Variants in MGST1 observed in about 807,000 individuals in gnomAD.
MGST1 encodes glutathione S-transferase 12.
A neutral mutation model predicts 8.9 loss-of-function variants in MGST1; 5 were observed. The ratio of observed to expected loss-of-function variants is 0.56; its 90% CI spans 0.29 to 1.19. The LOEUF is 1.19. MGST1 is among the 50% of genes most tolerant of loss of function. The pLI is 0.08. For missense variants in MGST1, 182 were observed against 187.4 expected (o/e 0.97, Z 0.17); for synonymous variants, 54 against 67.8 (o/e 0.80, Z 1.00).
At chr12:16,479,094 T>C (rs1941345863) in intron 4 of MGST1, among the ~76,000 whole-genome samples, 1 of 152,078 alleles carries the variant, frequency 6.6e-6, no homozygotes, top group Non-Finnish European at 1.5e-5. Flanking sequence ...AGCATGTTTT[T>C]GAGGTTCATC....
rs933674425 is a variant in MGST1 at position 16,402,224 on chromosome 12, C to G, written n.778+18620C>G. 1.9e-5 allele frequency: 30 copies of G among 1,587,600 alleles called. 1 individual carries two copies. Among genetic ancestry groups the G allele is most frequent in the South Asian group, 1.1e-4 (10 of 90,510 alleles). On this transcript the variant is annotated intron_variant and non_coding_transcript_variant, in intron 1 of 1. Transcript: ENST00000359720. Reference sequence around the variant, plus strand: ...AGATGATTTTGTCATCACAAAAGACCATGGTAGTATCAGTTAGTTCATAAC... The same window carrying G: ...AGATGATTTTGTCATCACAAAAGACGATGGTAGTATCAGTTAGTTCATAAC...
intron 4 of MGST1, among the ~76,000 whole-genome samples, chr12:16,452,286 G>A (rs1446001324): frequency 6.6e-6 from 1 of 151,392 alleles, no homozygotes; most frequent in Non-Finnish European, 1.5e-5. Context: ...TGTCCTAAGA[G>A]AACCCTATGT....
At position 16,529,320 on chromosome 12, in the gene MGST1, T is replaced by C. The variant is rs76876275; in HGVS notation, n.483-60208T>C. Among the ~76,000 whole-genome samples the C allele has an allele frequency of 3.9e-4, 60 of 152,186 alleles. No homozygotes were observed. The East Asian group carries it at 0.011, about 28-fold the overall frequency. On this transcript the variant is annotated intron_variant and non_coding_transcript_variant, in intron 4 of 4. Coordinates refer to the MGST1 transcript ENST00000538857. Reference sequence around the variant, plus strand: ...CCTGGTATATTCATTATCCACCCAATGATAGTCTGCGAATTTAAGTGCCAA... The same window carrying C: ...CCTGGTATATTCATTATCCACCCAACGATAGTCTGCGAATTTAAGTGCCAA...
At chr12:16,444,083 C>G (rs972115580) in intron 4 of MGST1, among the ~76,000 whole-genome samples, 1 of 151,634 alleles carries the variant, frequency 6.6e-6, no homozygotes, top group East Asian at 2.0e-4. Context: ...TGATGTTGAG[C>G]TCATAGTCTC....
At chr12:16,387,593 C>T (rs2137048824) in intron 1 of MGST1, among the ~76,000 whole-genome samples, 1 of 150,568 alleles carries the variant, frequency 6.6e-6, no homozygotes, top group African/African-American at 2.4e-5. Context: ...GTGGGGCTAT[C>T]TCGGCTCACT....
At chr12:16,530,175 G>T (rs892710974) in intron 4 of MGST1, among the ~76,000 whole-genome samples, 1 of 152,064 alleles carries the variant, frequency 6.6e-6, no homozygotes, top group African/African-American at 2.4e-5. Flanking sequence ...TAATAAAAAT[G>T]ATGTTTTTAT....
At chr12:16,470,505 C>G (rs563619818) in intron 4 of MGST1, among the ~76,000 whole-genome samples, 13 of 152,266 alleles carry the variant, frequency 8.5e-5, no homozygotes, top group Non-Finnish European at 1.8e-4. Flanking sequence ...GCTACCCACA[C>G]AGAAATCACT....
chr12:16,373,324 G>A (rs972871248), intron 3 of MGST1, among the ~76,000 whole-genome samples: 2 of 151,616 alleles, frequency 1.3e-5, no homozygotes, highest in Non-Finnish European at 2.9e-5. Flanking sequence ...GGAAGGAATC[G>A]ATCTAGTGTT....
chr12:16,368,091 G>A (rs1280934688), downstream of MGST1, among the ~76,000 whole-genome samples: 1 of 152,114 alleles, frequency 6.6e-6, no homozygotes, highest in Non-Finnish European at 1.5e-5. Flanking sequence ...CTGATCCCTA[G>A]TTATTAGGGA....
chr12:16,569,298 TG>T (rs1485466452), intron 4 of MGST1, among the ~76,000 whole-genome samples: 2 of 152,300 alleles, frequency 1.3e-5, no homozygotes, highest in Middle Eastern at 3.4e-3. Flanking sequence ...TATACTTCTT[TG>T]TTTTTCCCTG....
At chr12:16,377,951 G>T (rs1458045304), downstream of MGST1, among the ~76,000 whole-genome samples, 1 of 151,584 alleles carries the variant, frequency 6.6e-6, no homozygotes, top group African/African-American at 2.4e-5. Flanking sequence ...CTTCTTTTGA[G>T]AAGTGTCTGT....
At chr12:16,474,730 A>C (rs990938197) in intron 4 of MGST1, among the ~76,000 whole-genome samples, 1 of 152,212 alleles carries the variant, frequency 6.6e-6, no homozygotes, top group African/African-American at 2.4e-5. Flanking sequence ...TTTTTGAACG[A>C]GAGCAATAAC....
intron 4 of MGST1, among the ~76,000 whole-genome samples, chr12:16,459,282 C>A (rs575819570): frequency 6.6e-6 from 1 of 151,992 alleles, no homozygotes; most frequent in Non-Finnish European, 1.5e-5. Flanking sequence ...AATATCATCA[C>A]CTAAGAAACT....
At chr12:16,461,923 G>C (rs1034341904) in intron 4 of MGST1, among the ~76,000 whole-genome samples, 1 of 152,034 alleles carries the variant, frequency 6.6e-6, no homozygotes, top group Non-Finnish European at 1.5e-5. Flanking sequence ...GCTTGAAATA[G>C]CTATTCCTAA....
intron 4 of MGST1, among the ~76,000 whole-genome samples, chr12:16,461,174 C>A (rs1941216009): frequency 4.7e-5 from 1 of 21,126 alleles, no homozygotes; most frequent in Non-Finnish European, 9.5e-5. Context: ...AAAAGAATGC[C>A]CAAAGGAAAA....
At chr12:16,377,013 C>G (rs913148057) in exon 4 of MGST1, 5 of 151,590 alleles carry the variant, frequency 3.3e-5, no homozygotes, top group African/African-American at 1.2e-4. Context: ...GAGCAAATTC[C>G]TCCAAGACCT....
intron 4 of MGST1, among the ~76,000 whole-genome samples, chr12:16,564,934 T>TATCA (rs1258992216): frequency 2.0e-5 from 3 of 152,060 alleles, no homozygotes; most frequent in Non-Finnish European, 4.4e-5. Context: ...CACAAGTGCA[T>TATCA]ATCAACAGAC....
chr12:16,566,602 GAC>G (rs1565488848), intron 4 of MGST1, among the ~76,000 whole-genome samples: 1 of 151,840 alleles, frequency 6.6e-6, no homozygotes, highest in African/African-American at 2.4e-5. Context: ...TTAAAGAAAA[GAC>G]ATTTTCTATT....
chr12:16,388,546 A>G (rs2137049801), intron 1 of MGST1, among the ~76,000 whole-genome samples: 1 of 152,312 alleles, frequency 6.6e-6, no homozygotes, highest in African/African-American at 2.4e-5. Flanking sequence ...TGGACTCTTG[A>G]AATATACACT....
Sources: allele counts gnomAD v4.1 joint callset (sites outside exome capture counted in the v4.1 genomes callset), GRCh38; gene constraint gnomAD v4.1.1; transcripts MANE v1.5; gene names NCBI Gene and HGNC (gene_info 2026-07-23, HGNC 2026-07-21).